Variants in JMJD1C observed in about 807,000 individuals in gnomAD.
JMJD1C encodes jumonji domain-containing protein 1C.
A neutral mutation model predicts 245.3 loss-of-function variants in JMJD1C; 31 were observed. The ratio of observed to expected loss-of-function variants is 0.13; its 90% CI spans 0.09 to 0.17. The LOEUF is 0.17. Among genes scored for constraint, JMJD1C ranks in the 10% least tolerant of loss-of-function variants. The probability of loss-of-function intolerance (pLI) is 1.00; values close to 1 mark genes in which losing one functional copy is unlikely to be tolerated. For missense variants in JMJD1C, 2,691 were observed against 3,000.2 expected (o/e 0.90, Z 2.41); for synonymous variants, 1,057 against 1,017.4 (o/e 1.04, Z -0.74).
chr10:63,190,764 T>C lies in JMJD1C; in HGVS notation c.6291+130A>G, dbSNP rs111982784. The C allele has an allele frequency of 1.3e-4, 92 of 696,818 alleles. 1 individual carries two copies. Among genetic ancestry groups the C allele is most frequent in the African/African-American group, 1.3e-3 (73 of 55,754 alleles). The allele number at this position is 696,818 out of a possible 1,614,324, so 43.2% of individuals were successfully genotyped here. On this transcript the variant is annotated intron_variant, in intron 17 of 25. Coordinates refer to ENST00000399262, the MANE Select transcript of JMJD1C (RefSeq NM_032776.3). ...AAGGTAAAGAGAGTTATAATGCAAA[T>C]AGAAACATGCCTAGCAATTTGGTAC... is the stretch of plus-strand genomic sequence containing the variant.
chr10:63,332,552 T>A (rs1480745600), intron 2 of JMJD1C, among the ~76,000 whole-genome samples: 1 of 152,184 alleles, frequency 6.6e-6, no homozygotes, highest in African/African-American at 2.4e-5. Context: ...GGGAAAGAGA[T>A]CTAGTAATAG....
In JMJD1C at chr10:63,215,667, A is replaced by G. The variant is rs1847894821; in HGVS notation, c.708T>C (p.Ser236=). The change falls in exon 6 of 26, where the codon TCT becomes TCC. Residue 236 remains serine (S), a synonymous_variant. Coordinates refer to ENST00000399262, the MANE Select transcript of JMJD1C (RefSeq NM_032776.3). Reference sequence around the variant, plus strand: ...CATCTAGAAAGGTCATTTGAACCATAGAAGGATCGACATTCTGTGGTTCTA... The same window carrying G: ...CATCTAGAAAGGTCATTTGAACCATGGAAGGATCGACATTCTGTGGTTCTA... ...QVLEPQNVDP[S]MVQMTFLDDV... 1.3e-6 allele frequency: 2 copies of G among 1,596,578 alleles called. No homozygotes were observed. The highest frequency in any genetic ancestry group is 1.3e-5 in the African/African-American group (1 of 74,652).
rs34238197 is a variant in JMJD1C at position 63,338,640 on chromosome 10, A to ATTTTTTTT, written c.333+41670_333+41677dup. On this transcript the variant is annotated intron_variant, in intron 2 of 25. Coordinates refer to ENST00000399262, the MANE Select transcript of JMJD1C (RefSeq NM_032776.3). The stretch of plus-strand genomic sequence containing the variant: ...AATCAAATATCTTTCTGCTCCTTAG[A>ATTTTTTTT]TTTTTTTTTTTTTTTTTTTTTTTTT... Among the ~76,000 whole-genome samples the ATTTTTTTT allele has an allele frequency of 4.2e-4, 40 of 95,112 alleles. 1 individual carries two copies. Among genetic ancestry groups the ATTTTTTTT allele is most frequent in the African/African-American group, 8.0e-4 (19 of 23,754 alleles). The allele number at this position is 95,112 out of a possible 152,430, so 62.4% of individuals were successfully genotyped here.
intron 3 of JMJD1C, among the ~76,000 whole-genome samples, chr10:63,225,499 T>C (rs1375122793): frequency 6.6e-6 from 1 of 151,912 alleles, no homozygotes; most frequent in Non-Finnish European, 1.5e-5. Context: ...ATAGCTACCA[T>C]AAGGCCAGGC....
chr10:63,276,245 T>A (rs1856757313), intron 2 of JMJD1C, among the ~76,000 whole-genome samples: 2 of 151,948 alleles, frequency 1.3e-5, no homozygotes, highest in East Asian at 1.9e-4. Context: ...GGCGGGCAGA[T>A]CACAAGGTCA....
intron 3 of JMJD1C, chr10:63,222,235 G>C (rs1371081058): frequency 1.3e-6 from 1 of 783,494 alleles, no homozygotes; most frequent in Non-Finnish European, 2.4e-6. Flanking sequence ...GGGTTCAAAA[G>C]CATCAAGATG....
intron 1 of JMJD1C, among the ~76,000 whole-genome samples, chr10:63,410,695 TG>T (rs1949427433): frequency 6.6e-6 from 1 of 152,160 alleles, no homozygotes; most frequent in Admixed American, 6.5e-5. Flanking sequence ...ATTTTATGTA[TG>T]TTTTTATTAT....
intron 13 of JMJD1C, chr10:63,194,629 G>A: frequency 2.8e-6 from 1 of 350,984 alleles, no homozygotes; most frequent in Non-Finnish European, 5.2e-6. Flanking sequence ...TGGATATAAT[G>A]ATAGCCTTTC....
chr10:63,209,362 G>A (rs1847048404), intron 8 of JMJD1C, 127 bp from the exon 9 acceptor site: 2 of 597,380 alleles, frequency 3.3e-6, no homozygotes, highest in East Asian at 6.5e-5. Context: ...CAGTTTCTTT[G>A]GGAAACTTGT....
chr10:63,345,252 C>T (rs982111167), intron 2 of JMJD1C, among the ~76,000 whole-genome samples: 1 of 152,020 alleles, frequency 6.6e-6, no homozygotes, highest in Non-Finnish European at 1.5e-5. Flanking sequence ...TTTGTGAGGC[C>T]GAGGTGGGCG....
intron 2 of JMJD1C, chr10:63,358,945 C>G (rs567440101): frequency 6.2e-6 from 1 of 160,972 alleles, no homozygotes; most frequent in East Asian, 1.7e-4. Context: ...CCATGTTGGA[C>G]CTTCAAAATA....
chr10:63,263,959 TACACACAC>T (rs746833882), intron 3 of JMJD1C, among the ~76,000 whole-genome samples: 3,056 of 82,954 alleles, frequency 0.037, 128 homozygotes, highest in African/African-American at 0.097. Flanking sequence ...AAAATACACA[TACACACAC>T]ACACACACAC....
chr10:63,191,529 G>T (rs1439016302), intron 16 of JMJD1C, among the ~76,000 whole-genome samples: 1 of 152,138 alleles, frequency 6.6e-6, no homozygotes, highest in Non-Finnish European at 1.5e-5. Context: ...AGGAAGCATT[G>T]TGATTTATTC....
At chr10:63,231,211 G>A (rs762827493) in intron 3 of JMJD1C, among the ~76,000 whole-genome samples, 8 of 152,126 alleles carry the variant, frequency 5.3e-5, no homozygotes, top group Non-Finnish European at 8.8e-5. Flanking sequence ...TGGTAGTACA[G>A]GATTCACTCA....
intron 2 of JMJD1C, among the ~76,000 whole-genome samples, chr10:63,270,038 CAT>C (rs1326075581): frequency 2.0e-5 from 3 of 152,098 alleles, no homozygotes; most frequent in South Asian, 2.1e-4. Context: ...AATATTTTGA[CAT>C]ATTGGGTTAA....
intron 3 of JMJD1C, among the ~76,000 whole-genome samples, chr10:63,245,200 T>A (rs1336000407): frequency 6.7e-6 from 1 of 149,014 alleles, no homozygotes; most frequent in African/African-American, 2.5e-5. Flanking sequence ...ACAAAGAGAT[T>A]GAAATAACAA....
At chr10:63,242,882 T>G (rs980767578) in intron 3 of JMJD1C, among the ~76,000 whole-genome samples, 3 of 151,914 alleles carry the variant, frequency 2.0e-5, no homozygotes, top group African/African-American at 7.3e-5. Context: ...TTCATATATA[T>G]TACCTCATAG....
At chr10:63,454,522 C>A (rs1952284085) in intron 1 of JMJD1C, among the ~76,000 whole-genome samples, 2 of 152,038 alleles carry the variant, frequency 1.3e-5, no homozygotes, top group Non-Finnish European at 1.5e-5. Context: ...CTCCTGGTTT[C>A]AAGCAATTCT....
intron 1 of JMJD1C, among the ~76,000 whole-genome samples, chr10:63,402,633 A>G (rs1589679700): frequency 6.6e-6 from 1 of 152,320 alleles, no homozygotes; most frequent in South Asian, 2.1e-4. Flanking sequence ...AATAGCCTCC[A>G]GAGCCCCAGC....
Sources: allele counts gnomAD v4.1 joint callset (sites outside exome capture counted in the v4.1 genomes callset), GRCh38; gene constraint gnomAD v4.1.1; transcripts MANE v1.5; gene names NCBI Gene and HGNC (gene_info 2026-07-23, HGNC 2026-07-21).